LEMD1: variants seen among roughly 807,000 people sequenced by gnomAD.
LEMD1 encodes the protein LEM domain-containing protein 1.
A neutral mutation model predicts 17.4 loss-of-function variants in LEMD1; 18 were observed. The ratio of observed to expected loss-of-function variants is 1.04; its 90% CI spans 0.72 to 1.54. LEMD1 has a LOEUF of 1.54. LEMD1 is among the 40% of genes most tolerant of loss of function. The pLI is 0.00. For synonymous variants in LEMD1, 88 were observed against 77.8 expected, an observed-to-expected ratio of 1.13 and a Z score of -0.69; for missense variants, 195 against 210.4, an observed-to-expected ratio of 0.93 and a Z score of 0.45.
At chr1:205,391,844 A>G (rs1664352295) in intron 4 of LEMD1, among the ~76,000 whole-genome samples, 1 of 151,808 alleles carries the variant, frequency 6.6e-6, no homozygotes, top group African/African-American at 2.4e-5. Context: ...GTGGTGGCTC[A>G]TGCCTGTAAT....
chr1:205,437,193 T>C (rs1666224380), intron 1 of LEMD1: 1 of 152,356 alleles, frequency 6.6e-6, no homozygotes, highest in Non-Finnish European at 1.5e-5. Flanking sequence ...TTGATCAGCA[T>C]GGAGATGAGC....
At chr1:205,389,938 G>A (rs1176217941) in intron 4 of LEMD1, among the ~76,000 whole-genome samples, 1 of 152,104 alleles carries the variant, frequency 6.6e-6, no homozygotes, top group Non-Finnish European at 1.5e-5. Flanking sequence ...TATTTAAAAC[G>A]TTGTGTTCTC....
intron 1 of LEMD1, among the ~76,000 whole-genome samples, chr1:205,428,490 G>A (rs1666084731): frequency 6.6e-6 from 1 of 152,154 alleles, no homozygotes; most frequent in Non-Finnish European, 1.5e-5. Context: ...TAAAGCAAAC[G>A]AGGTTCCTGC....
intron 4 of LEMD1, among the ~76,000 whole-genome samples, chr1:205,400,498 A>G (rs559469520): frequency 2.0e-5 from 3 of 152,312 alleles, no homozygotes; most frequent in African/African-American, 7.2e-5. Flanking sequence ...CCGAGAACGC[A>G]TGGCCTCTAA....
rs750669000 is a variant in LEMD1 at position 205,448,661 on chromosome 1, A to G, written c.-39+1207T>C. ...TATGAGGAGGGGTGGCTTCCTGGCC[A>G]TAAAGGACCTCCTCAAATTCCCTTA... On this transcript the variant is annotated intron_variant, in intron 1 of 3. Transcript: ENST00000367154. The surrounding 1 kb of genome is among the most constrained non-coding windows in gnomAD (Gnocchi z 4.7). Among the ~76,000 whole-genome samples, 3 of 152,154 alleles carry G rather than the reference A, an allele frequency of 2.0e-5. No homozygotes were observed.
intron 4 of LEMD1, among the ~76,000 whole-genome samples, chr1:205,410,067 TG>T (rs544855908): frequency 1.3e-3 from 194 of 152,102 alleles, no homozygotes; most frequent in African/African-American, 4.3e-3. Flanking sequence ...TGAGCCACCG[TG>T]CCCAGCCCCC....
chr1:205,432,145 G>A (rs1666133431), intron 1 of LEMD1, among the ~76,000 whole-genome samples: 1 of 152,252 alleles, frequency 6.6e-6, no homozygotes, highest in African/African-American at 2.4e-5. Context: ...AAGAAGGGTA[G>A]GGAAAAGGTA....
intron 1 of LEMD1, among the ~76,000 whole-genome samples, chr1:205,443,958 A>T (rs1419560118): frequency 6.6e-6 from 1 of 150,956 alleles, no homozygotes; most frequent in Non-Finnish European, 1.5e-5. Context: ...AGTCCTGTCG[A>T]CTCTCTTCCC....
chr1:205,406,860 C>G (rs1056219656), intron 4 of LEMD1, among the ~76,000 whole-genome samples: 3 of 152,184 alleles, frequency 2.0e-5, no homozygotes, highest in African/African-American at 7.2e-5. Flanking sequence ...GCTCCTCCCC[C>G]CAATATTTTT....
At chr1:205,408,260 C>T (rs1419677631) in intron 4 of LEMD1, among the ~76,000 whole-genome samples, 1 of 151,978 alleles carries the variant, frequency 6.6e-6, no homozygotes, top group Non-Finnish European at 1.5e-5. Context: ...AGAATACTTA[C>T]TGGGGAGCCC....
intron 1 of LEMD1, among the ~76,000 whole-genome samples, chr1:205,445,814 C>T (rs1300022171): frequency 4.6e-5 from 7 of 152,204 alleles, no homozygotes; most frequent in Admixed American, 3.3e-4. Flanking sequence ...CCAGAATGAA[C>T]CCCAAAGGTC....
At chr1:205,411,032 G>A (rs1665369559) in intron 4 of LEMD1, among the ~76,000 whole-genome samples, 1 of 145,768 alleles carries the variant, frequency 6.9e-6, no homozygotes, top group South Asian at 2.2e-4. Context: ...AGGAAGGAAG[G>A]GAAAGAAGGA....
At chr1:205,403,587 T>G (rs1404764489) in intron 4 of LEMD1, among the ~76,000 whole-genome samples, 1 of 151,814 alleles carries the variant, frequency 6.6e-6, no homozygotes, top group Admixed American at 6.6e-5. Flanking sequence ...TTGATTCTTC[T>G]CTCTTTTTTT....
intron 4 of LEMD1, among the ~76,000 whole-genome samples, chr1:205,384,836 G>C (rs536123556): frequency 6.6e-6 from 1 of 152,166 alleles, no homozygotes; most frequent in African/African-American, 2.4e-5. Flanking sequence ...GGACTCCCAG[G>C]AATGTGAAGA....
At chr1:205,447,229 T>C (rs147250254) in intron 1 of LEMD1, among the ~76,000 whole-genome samples, 186 of 152,332 alleles carry the variant, frequency 1.2e-3, no homozygotes, top group African/African-American at 4.3e-3. Flanking sequence ...CTTAGCTCCC[T>C]GTGCCTCAGA....
intron 5 of LEMD1, among the ~76,000 whole-genome samples, chr1:205,383,012 C>A (rs1663796059): frequency 6.6e-6 from 1 of 152,142 alleles, no homozygotes; most frequent in Non-Finnish European, 1.5e-5. Context: ...TTTATTTGAA[C>A]TACTTACTCT....
intron 4 of LEMD1, among the ~76,000 whole-genome samples, chr1:205,403,050 C>A (rs2102390304): frequency 1.3e-5 from 2 of 151,980 alleles, no homozygotes; most frequent in South Asian, 4.2e-4. Context: ...AGGGATGAAG[C>A]CCACTTGATC....
At chr1:205,391,848 C>T (rs527373962) in intron 4 of LEMD1, among the ~76,000 whole-genome samples, 1 of 152,068 alleles carries the variant, frequency 6.6e-6, no homozygotes, top group African/African-American at 2.4e-5. Context: ...TGGCTCATGC[C>T]TGTAATCCCA....
intron 4 of LEMD1, among the ~76,000 whole-genome samples, chr1:205,400,940 T>C (rs2102384212): frequency 6.8e-6 from 1 of 146,118 alleles, no homozygotes; most frequent in Non-Finnish European, 1.5e-5. Flanking sequence ...AGTGAGAACA[T>C]GTGGTGTTTG....
Sources: allele counts gnomAD v4.1 joint callset (sites outside exome capture counted in the v4.1 genomes callset), GRCh38; gene constraint gnomAD v4.1.1; non-coding constraint Gnocchi (gnomAD v3.1); transcripts MANE v1.5; gene names NCBI Gene and HGNC (gene_info 2026-07-23, HGNC 2026-07-21).